Variants in TNS3 observed in about 807,000 individuals in gnomAD.
The protein encoded by TNS3 is tensin 3.
TNS3 carries 45 observed loss-of-function variants against 140.9 expected under a neutral mutation model. The ratio of observed to expected loss-of-function variants is 0.32; its 90% CI spans 0.25 to 0.41. The LOEUF (loss-of-function observed/expected upper bound fraction) is 0.41. Among genes scored for constraint, TNS3 ranks in the 10% least tolerant of loss-of-function variants. TNS3 has a pLI of 1.00. For synonymous variants in TNS3, 815 were observed against 788.4 expected, an observed-to-expected ratio of 1.03 and a Z score of -0.56; for missense variants, 1,716 against 1,906.7, an observed-to-expected ratio of 0.90 and a Z score of 1.86.
chr7:47,488,988 C>CT (rs1450560536), intron 3 of TNS3, among the ~76,000 whole-genome samples: 1 of 152,220 alleles, frequency 6.6e-6, no homozygotes, highest in Non-Finnish European at 1.5e-5. Context: ...ACATTCGAGA[C>CT]TTTATTAACT....
At chr7:47,533,838 C>T (rs1250243293) in intron 1 of TNS3, among the ~76,000 whole-genome samples, 1 of 152,124 alleles carries the variant, frequency 6.6e-6, no homozygotes, top group Non-Finnish European at 1.5e-5. Flanking sequence ...GTGAGATGTG[C>T]CTTTCACCTT....
At chr7:47,442,139 G>A in intron 4 of TNS3, 84 bp from the exon 5 acceptor site, 4 of 878,220 alleles carry the variant, frequency 4.6e-6, no homozygotes, top group Non-Finnish European at 6.1e-6. Context: ...AGGGAACAAT[G>A]ACAGCCGTTC....
chr7:47,317,458 A>G (rs1787478182), intron 20 of TNS3, among the ~76,000 whole-genome samples: 1 of 152,236 alleles, frequency 6.6e-6, no homozygotes, highest in Non-Finnish European at 1.5e-5. Context: ...CTGGAAAGAA[A>G]ACACATTTAC....
chr7:47,492,479 C>T (rs1797850948), intron 3 of TNS3, among the ~76,000 whole-genome samples: 1 of 152,240 alleles, frequency 6.6e-6, no homozygotes, highest in Non-Finnish European at 1.5e-5. Context: ...CCCTACCTCC[C>T]ACCTGTGAGC....
intron 20 of TNS3, among the ~76,000 whole-genome samples, chr7:47,338,433 T>A (rs979816341): frequency 3.9e-5 from 6 of 152,242 alleles, no homozygotes; most frequent in African/African-American, 1.4e-4. Context: ...TGGCTAATGA[T>A]GTTGAGCATC....
intron 1 of TNS3, among the ~76,000 whole-genome samples, chr7:47,560,040 G>A (rs981045489): frequency 3.3e-5 from 5 of 152,140 alleles, no homozygotes; most frequent in Non-Finnish European, 7.4e-5. Flanking sequence ...AGAGCCGGCC[G>A]CGGGTCTCCC....
chr7:47,485,872 G>A (rs1797591658), intron 3 of TNS3, among the ~76,000 whole-genome samples: 1 of 152,250 alleles, frequency 6.6e-6, no homozygotes, highest in Non-Finnish European at 1.5e-5. Context: ...CAGAGGGGCA[G>A]AGGGACAAGT....
chr7:47,485,216 C>T (rs749385986), intron 3 of TNS3, among the ~76,000 whole-genome samples: 12 of 152,220 alleles, frequency 7.9e-5, no homozygotes, highest in Non-Finnish European at 1.8e-4. Context: ...GAGACAAGAA[C>T]CAGGCAGCGT....
At chr7:47,545,662 G>A (rs978389294) in intron 1 of TNS3, among the ~76,000 whole-genome samples, 2 of 152,084 alleles carry the variant, frequency 1.3e-5, no homozygotes, top group African/African-American at 4.8e-5. Flanking sequence ...CTGTCCTTTC[G>A]GAAACCTCTC....
chr7:47,505,805 AT>A lies in TNS3; in HGVS notation c.-115+1101del, dbSNP rs1282936070. On this transcript the variant is annotated intron_variant, in intron 3 of 30. Coordinates refer to ENST00000311160, the MANE Select transcript of TNS3 (RefSeq NM_022748.12). ...AATGTGTTTGTGTGCATGTGTATTT[AT>A]GTGCATGCATGTGTATTTATGTGCA... 3.9e-5 allele frequency among the ~76,000 whole-genome samples: 6 copies of A among 152,182 alleles called. No homozygotes were observed. In the East Asian group the frequency reaches 1.2e-3, roughly 29 times the overall value.
rs1188135818 is a variant in TNS3, at chr7:47,413,917, G to A, written c.647+20C>T. On this transcript the variant is annotated intron_variant, in intron 12 of 30. Coordinates refer to ENST00000311160, the MANE Select transcript of TNS3 (RefSeq NM_022748.12). ...CCGTCCAGGTCCCACAACAGCAGCA[G>A]CAGCAGCAGCAGCACTCACTAGATC... The A allele has an allele frequency of 1.9e-5, 31 of 1,613,262 alleles. No individual in the cohort carries two copies. Among genetic ancestry groups the A allele is most frequent in the Non-Finnish European group, 2.5e-5 (30 of 1,179,818 alleles).
At chr7:47,470,241 G>C (rs375394441) in intron 4 of TNS3, among the ~76,000 whole-genome samples, 1 of 152,128 alleles carries the variant, frequency 6.6e-6, no homozygotes, top group Non-Finnish European at 1.5e-5. Context: ...GACGTGAATT[G>C]AAAAACCACC....
intron 1 of TNS3, among the ~76,000 whole-genome samples, chr7:47,565,662 C>T (rs942919268): frequency 6.6e-6 from 1 of 152,184 alleles, no homozygotes; most frequent in Non-Finnish European, 1.5e-5. Context: ...TGAGTCACTA[C>T]GCTTGGCCAG....
intron 20 of TNS3, among the ~76,000 whole-genome samples, chr7:47,337,048 T>G (rs1243448911): frequency 6.6e-6 from 1 of 152,018 alleles, no homozygotes; most frequent in Non-Finnish European, 1.5e-5. Flanking sequence ...GTCATCAAGC[T>G]CCTCATCCCT....
At position 47,278,014 on chromosome 7, in the gene TNS3, A is replaced by C; in HGVS notation, c.*62T>G. ...GGTAAAAAGTGGGGGCCCCACCCTC[A>C]CCCAACGGCTGTCTCCAGGGCTTCG... is the stretch of plus-strand genomic sequence containing the variant. On this transcript the variant is annotated 3_prime_UTR_variant, in exon 31 of 31. Coordinates refer to ENST00000311160, the MANE Select transcript of TNS3 (RefSeq NM_022748.12). 6.2e-7 allele frequency: 1 copy of C among 1,610,950 alleles called. No homozygotes were observed. The highest frequency in any genetic ancestry group is 1.1e-5 in the South Asian group (1 of 90,554).
chr7:47,437,271 T>C lies in TNS3; in HGVS notation c.193A>G (p.Asn65Asp). The change falls in exon 7 of 31, where the codon AAC (asparagine) becomes GAC (aspartate). Residue 65 changes from asparagine to aspartate, a missense_variant. Asn to Asp is a conservative substitution (Grantham distance 23, BLOSUM62 1). Around this residue, in one of 3 missense-constraint regions of TNS3, gnomAD observed 337 missense variants for 428.9 expected, o/e 0.79. Transcript: ENST00000311160. ...AGGGATGAACTCTGTACCTTTGGGTTAAGCTTCGTAAGGTCATATCTCTTT... is the reference window on the plus strand; with the variant it reads ...AGGGATGAACTCTGTACCTTTGGGTCAAGCTTCGTAAGGTCATATCTCTTT... ...SEKRYDLTKL[N>D]PKIMDVGWPE... is the part of the protein sequence containing the mutation. 1 of 1,560,660 alleles carries C rather than the reference T, an allele frequency of 6.4e-7. No homozygotes were observed. The highest frequency in any genetic ancestry group is 8.6e-7 in the Non-Finnish European group (1 of 1,160,690).
At chr7:47,573,481 T>A (rs536067142) in intron 1 of TNS3, among the ~76,000 whole-genome samples, 1 of 152,352 alleles carries the variant, frequency 6.6e-6, no homozygotes, top group East Asian at 1.9e-4. Flanking sequence ...ACACCCTACC[T>A]TGTGTCTTTG....
At chr7:47,388,180 C>T (rs1172968947) in intron 16 of TNS3, among the ~76,000 whole-genome samples, 1 of 152,164 alleles carries the variant, frequency 6.6e-6, no homozygotes, top group Non-Finnish European at 1.5e-5. Context: ...AAAGGGGTGG[C>T]AGCAAGGGCC....
At chr7:47,552,783 C>G (rs1052771825) in intron 1 of TNS3, among the ~76,000 whole-genome samples, 2 of 152,188 alleles carry the variant, frequency 1.3e-5, no homozygotes, top group East Asian at 3.9e-4. Context: ...AAGGAAGAGT[C>G]ACATCTCTTA....
Sources: allele counts gnomAD v4.1 joint callset (sites outside exome capture counted in the v4.1 genomes callset), GRCh38; gene constraint gnomAD v4.1.1; regional missense constraint gnomAD v4.1.1; transcripts MANE v1.5; gene names NCBI Gene and HGNC (gene_info 2026-07-23, HGNC 2026-07-21).